PTPRT: variants seen among roughly 807,000 people sequenced by gnomAD.
PTPRT encodes protein tyrosine phosphatase receptor type T.
Under a neutral mutation model 176.8 loss-of-function variants are expected in PTPRT, and 56 were observed. The ratio of observed to expected loss-of-function variants is 0.32; its 90% CI spans 0.26 to 0.40. The LOEUF is 0.40. PTPRT is among the 10% of genes least tolerant of loss of function. The pLI is 1.00. For synonymous variants in PTPRT, 783 were observed against 739.0 expected, an observed-to-expected ratio of 1.06 and a Z score of -0.96; for missense variants, 1,540 against 1,908.2, an observed-to-expected ratio of 0.81 and a Z score of 3.60.
intron 7 of PTPRT, among the ~76,000 whole-genome samples, chr20:42,485,349 T>A (rs1374954304): frequency 6.6e-6 from 1 of 152,106 alleles, no homozygotes; most frequent in East Asian, 1.9e-4. Context: ...GAATAAAACC[T>A]GAAACATTTC....
intron 1 of PTPRT, among the ~76,000 whole-genome samples, chr20:42,930,251 G>T (rs1048774583): frequency 1.3e-5 from 2 of 152,132 alleles, no homozygotes; most frequent in Non-Finnish European, 2.9e-5. Context: ...TGCCCTCCTA[G>T]GTCCCTCTTC....
At chr20:42,901,810 C>T (rs2079408254) in intron 1 of PTPRT, among the ~76,000 whole-genome samples, 1 of 152,208 alleles carries the variant, frequency 6.6e-6, no homozygotes, top group South Asian at 2.1e-4. Context: ...GAAGTTTTAA[C>T]ACAGAGTACA....
At chr20:42,583,640 G>T (rs1357736245) in intron 7 of PTPRT, among the ~76,000 whole-genome samples, 2 of 151,952 alleles carry the variant, frequency 1.3e-5, no homozygotes, top group African/African-American at 2.4e-5. Flanking sequence ...ACACACAGAG[G>T]CATATCATGC....
chr20:42,927,579 C>T (rs987292071), intron 1 of PTPRT, among the ~76,000 whole-genome samples: 25 of 150,812 alleles, frequency 1.7e-4, no homozygotes, highest in African/African-American at 5.9e-4. Context: ...GAAAGAAAAG[C>T]AAGAAAGAAA....
intron 7 of PTPRT, among the ~76,000 whole-genome samples, chr20:42,526,304 C>G (rs1370369316): frequency 1.3e-5 from 2 of 152,130 alleles, no homozygotes; most frequent in African/African-American, 4.8e-5. Context: ...CCATGTTTAT[C>G]ATTTTCTCTC....
intron 6 of PTPRT, among the ~76,000 whole-genome samples, chr20:42,719,019 C>T (rs1044096230): frequency 2.0e-5 from 3 of 152,024 alleles, no homozygotes; most frequent in Admixed American, 1.3e-4. Flanking sequence ...TGGAGTAGGG[C>T]GAGGACTGAG....
intron 17 of PTPRT, among the ~76,000 whole-genome samples, chr20:42,159,028 A>G (rs1989472560): frequency 6.6e-6 from 1 of 152,168 alleles, no homozygotes; most frequent in Non-Finnish European, 1.5e-5. Flanking sequence ...GTAGTCAAAT[A>G]CACTTGTAAT....
intron 1 of PTPRT, among the ~76,000 whole-genome samples, chr20:42,903,290 A>C (rs1600540613): frequency 6.6e-6 from 1 of 152,222 alleles, no homozygotes; most frequent in Non-Finnish European, 1.5e-5. Context: ...AATCCAATCC[A>C]TATTCCCTAC....
At chr20:42,281,992 G>A (rs2057146834) in intron 13 of PTPRT, among the ~76,000 whole-genome samples, 1 of 152,122 alleles carries the variant, frequency 6.6e-6, no homozygotes, top group South Asian at 2.1e-4. Context: ...TTGGGGATAA[G>A]TGTTGAAAAT....
chr20:42,097,633 C>G (rs1369150516), intron 27 of PTPRT, among the ~76,000 whole-genome samples: 1 of 152,224 alleles, frequency 6.6e-6, no homozygotes, highest in Non-Finnish European at 1.5e-5. Context: ...AGGGCTGAAA[C>G]TATAGCTCAG....
chr20:42,112,543 G>C (rs1047550969), intron 22 of PTPRT, among the ~76,000 whole-genome samples: 2 of 143,714 alleles, frequency 1.4e-5, no homozygotes, highest in Non-Finnish European at 2.9e-5. Context: ...TTACCCTTAT[G>C]GGGGGCACCT....
At chr20:42,161,017 G>C (rs537412642) in intron 17 of PTPRT, among the ~76,000 whole-genome samples, 1 of 152,170 alleles carries the variant, frequency 6.6e-6, no homozygotes, top group African/African-American at 2.4e-5. Flanking sequence ...ATAGTGAATG[G>C]AGGTGAGACT....
intron 13 of PTPRT, among the ~76,000 whole-genome samples, chr20:42,271,098 G>A (rs902106855): frequency 2.6e-5 from 4 of 152,086 alleles, no homozygotes; most frequent in South Asian, 2.1e-4. Context: ...GTGCTGCCTC[G>A]TTGTCCCCAA....
intron 18 of PTPRT, among the ~76,000 whole-genome samples, chr20:42,131,609 T>C (rs1988125830): frequency 6.6e-6 from 1 of 152,226 alleles, no homozygotes; most frequent in African/African-American, 2.4e-5. Context: ...GATGATGGTG[T>C]TTGACAACGT....
At chr20:42,555,207 TGCTCAGAGAG>T (rs1028496846) in intron 7 of PTPRT, among the ~76,000 whole-genome samples, 4 of 152,210 alleles carry the variant, frequency 2.6e-5, no homozygotes, top group Non-Finnish European at 5.9e-5. Flanking sequence ...AAGGATTTAA[TGCTCAGAGAG>T]GCACTTGGTA....
chr20:42,712,176 T>C (rs928339242), intron 6 of PTPRT, among the ~76,000 whole-genome samples: 4 of 148,774 alleles, frequency 2.7e-5, no homozygotes, highest in African/African-American at 1.0e-4. Flanking sequence ...TGAATGACAT[T>C]GTTCTTCTCT....
intron 6 of PTPRT, among the ~76,000 whole-genome samples, chr20:42,705,622 T>G (rs2076042258): frequency 6.6e-6 from 1 of 152,142 alleles, no homozygotes; most frequent in South Asian, 2.1e-4. Context: ...CCTGTGAAAG[T>G]GCAGCTTTGG....
At chr20:43,182,773 C>T (rs2015293856) in intron 1 of PTPRT, among the ~76,000 whole-genome samples, 1 of 152,024 alleles carries the variant, frequency 6.6e-6, no homozygotes, top group African/African-American at 2.4e-5. Context: ...AAGCCCCCTA[C>T]AAAGGCAGAG....
At chr20:42,814,797 G>A (rs2077755496) in intron 2 of PTPRT, among the ~76,000 whole-genome samples, 1 of 152,138 alleles carries the variant, frequency 6.6e-6, no homozygotes, top group African/African-American at 2.4e-5. Flanking sequence ...TTCTCAGAAG[G>A]AAGGTTTTTT....
Sources: allele counts gnomAD v4.1 joint callset (sites outside exome capture counted in the v4.1 genomes callset), GRCh38; gene constraint gnomAD v4.1.1; transcripts MANE v1.5; gene names NCBI Gene and HGNC (gene_info 2026-07-23, HGNC 2026-07-21).